Variants in TM9SF1 observed in about 807,000 individuals in gnomAD.
TM9SF1 encodes MP70 protein family member.
Under a neutral mutation model 52.4 loss-of-function variants are expected in TM9SF1, and 25 were observed. The observed-to-expected ratio is 0.48, with a 90% confidence interval of 0.35 to 0.67. The LOEUF (loss-of-function observed/expected upper bound fraction) is 0.67. Among genes scored for constraint, TM9SF1 ranks in the 30% least tolerant of loss-of-function variants. TM9SF1 has a pLI of 0.01. For missense variants in TM9SF1, 604 were observed against 780.3 expected (o/e 0.77, Z 2.69); for synonymous variants, 284 against 299.8 (o/e 0.95, Z 0.55).
In TM9SF1 at chr14:24,189,415, T is replaced by G. The variant is rs1312598475; in HGVS notation, c.1821A>C (p.Ter607CysextTer26). Residue 607 changes from the stop codon to cysteine (C), a stop_lost, in exon 6 of 6, where the codon TGA (stop) becomes TGC (cysteine). Coordinates refer to ENST00000261789, the MANE Select transcript of TM9SF1 (RefSeq NM_006405.7). ...RYIYVNLKMD[*>C] The stretch of plus-strand genomic sequence containing the variant: ...CAGCAATAGTTCTGCCATACAGAAC[T>G]CAGTCCATCTTGAGGTTAACATAGA... 1 of 1,611,072 alleles carries G rather than the reference T, an allele frequency of 6.2e-7. No individual in the cohort carries two copies. The highest frequency in any genetic ancestry group is 8.5e-7 in the Non-Finnish European group (1 of 1,178,212).
intron 2 of TM9SF1, 49 bp downstream of exon 2, chr14:24,194,626 T>C (rs1566650362): frequency 6.6e-7 from 1 of 1,518,962 alleles, no homozygotes; most frequent in Non-Finnish European, 9.1e-7. Flanking sequence ...AAGGCACTGT[T>C]AGTCTCTGGG....
chr14:24,193,935 G>T (rs2039360919), intron 2 of TM9SF1, among the ~76,000 whole-genome samples: 1 of 148,942 alleles, frequency 6.7e-6, no homozygotes, highest in Admixed American at 6.7e-5. Context: ...AAAAAAAAAA[G>T]TGCTGGGATT....
rs779966602 is a variant in TM9SF1, at chr14:24,195,050, T to A, written c.-17-14A>T. ...AGGCAGTGGAACCTGTTTGGGGGAA[T>A]CCTGAGGTTATAGAAACCAGGGAGG... is the stretch of plus-strand genomic sequence containing the variant. On this transcript the variant is annotated splice_polypyrimidine_tract_variant and intron_variant, in intron 1 of 5. Transcript: ENST00000261789. 5.0e-6 allele frequency: 8 copies of A among 1,590,404 alleles called. No individual in the cohort carries two copies. The highest frequency in any genetic ancestry group is 5.2e-6 in the Non-Finnish European group (6 of 1,162,794).
chr14:24,190,423 A>C lies in TM9SF1; in HGVS notation c.1384T>G (p.Ser462Ala), dbSNP rs1384930614. 1.2e-6 allele frequency: 2 copies of C among 1,610,418 alleles called. No homozygotes were observed. The highest frequency in any genetic ancestry group is 1.7e-6 in the Non-Finnish European group (2 of 1,177,784). ...REIPPQPWYK[S>A]TVIHMTVGGF... ...CCAACAGTCATGTGGATGACAGTAG[A>C]CTTGTACCAGGGCTGGGGTGGAATC... The change falls in exon 5 of 6, where the codon TCT becomes GCT. Residue 462 changes from serine (S) to alanine (A), a missense_variant. Physicochemically the swap from Ser to Ala is moderately conservative, Grantham distance 99. Transcript: ENST00000261789.
intron 1 of TM9SF1, 116 bp downstream of exon 1, chr14:24,195,230 C>T (rs978831035): frequency 4.2e-5 from 24 of 574,890 alleles, no homozygotes; most frequent in Non-Finnish European, 7.1e-5. Flanking sequence ...GGGGTTCACC[C>T]CACCCGCAGC....
At chr14:24,190,960 C>T (rs1441947921) in intron 4 of TM9SF1, among the ~76,000 whole-genome samples, 1 of 144,000 alleles carries the variant, frequency 6.9e-6, no homozygotes, top group Non-Finnish European at 1.5e-5. Flanking sequence ...CTCCCAGGTT[C>T]ATGCCATTCT....
chr14:24,190,483 C>T lies in TM9SF1; in HGVS notation c.1324G>A (p.Asp442Asn). ...IFGKNNASPF[D>N]APCRTKNIAR... ...ATGTTCTTGGTGCGACAGGGTGCAT[C>T]AAAGGGGCTGGCGTTGTTCTTCCCA... The change falls in exon 5 of 6, where the codon GAT becomes AAT. Residue 442 changes from aspartate to asparagine, a missense_variant. Around this residue, in one of 3 missense-constraint regions of TM9SF1, gnomAD observed 450 missense variants for 560.1 expected, o/e 0.80. Transcript: ENST00000261789. 6.2e-7 allele frequency: 1 copy of T among 1,614,128 alleles called. No individual in the cohort carries two copies. Among genetic ancestry groups the T allele is most frequent in the South Asian group, 1.1e-5 (1 of 91,078 alleles).
intron 2 of TM9SF1, among the ~76,000 whole-genome samples, 153 bp downstream of exon 2, chr14:24,194,522 A>G (rs2039369773): frequency 6.6e-6 from 1 of 152,236 alleles, no homozygotes. Context: ...ACTGAATTAG[A>G]ATAGCATCAC....
Position 24,190,490 on chromosome 14 carries a change from G to C in TM9SF1, c.1317C>G (p.Ser439Arg). The C allele has an allele frequency of 6.2e-7, 1 of 1,614,208 alleles. No individual in the cohort carries two copies. The highest frequency in any genetic ancestry group is 8.5e-7 in the Non-Finnish European group (1 of 1,180,040). Residue 439 changes from serine (S) to arginine (R), a missense_variant, in exon 5 of 6, where the codon AGC becomes AGG. This residue lies in a region of TM9SF1 where 450 missense variants were observed against 560.1 expected (regional missense o/e 0.80). Transcript: ENST00000261789. ...TGGTGCGACAGGGTGCATCAAAGGG[G>C]CTGGCGTTGTTCTTCCCAAAGATGC... The part of the protein sequence containing the change: ...IGGIFGKNNA[S>R]PFDAPCRTKN...
Position 24,194,761 on chromosome 14 carries a change from G to C in TM9SF1, c.259C>G (p.Arg87Gly). The stretch of plus-strand genomic sequence containing the variant: ...ATCTCATACAAAGACTCAGCCATTC[G>C]GTCCCCATCCAGCACTTCACCCAGG... ...LSLGEVLDGD[R>G]MAESLYEIRF... The change falls in exon 2 of 6, where the codon CGA becomes GGA. Residue 87 changes from arginine to glycine, a missense_variant. Around this residue, in one of 3 missense-constraint regions of TM9SF1, gnomAD observed 450 missense variants for 560.1 expected, o/e 0.80. Coordinates refer to ENST00000261789, the MANE Select transcript of TM9SF1 (RefSeq NM_006405.7). The C allele has an allele frequency of 6.2e-7, 1 of 1,614,200 alleles. No homozygotes were observed. Among genetic ancestry groups the C allele is most frequent in the Non-Finnish European group, 8.5e-7 (1 of 1,180,042 alleles).
At chr14:24,190,243 G>A (rs1305851375) in intron 5 of TM9SF1, 137 bp downstream of exon 5, 3 of 1,493,378 alleles carry the variant, frequency 2.0e-6, no homozygotes, top group Admixed American at 2.4e-5. Context: ...GGGGATAGGA[G>A]GAACCATTTA....
At chr14:24,191,921 A>G in intron 4 of TM9SF1, 1 of 409,498 alleles carries the variant, frequency 2.4e-6, no homozygotes, top group Non-Finnish European at 4.6e-6. Flanking sequence ...GGCTCAAGCA[A>G]TCCTCCTGGG....
chr14:24,189,311 A>G lies in TM9SF1; in HGVS notation c.*104T>C. ...TGCCCAAAGGGCAAAAGGGAAGGCA[A>G]CAATGCCATCACACAATTCAGTCAA... is the stretch of plus-strand genomic sequence containing the variant. On this transcript the variant is annotated 3_prime_UTR_variant, in exon 6 of 6. Transcript: ENST00000261789. 2 of 1,315,648 alleles carry G rather than the reference A, an allele frequency of 1.5e-6. No homozygotes were observed. The highest frequency in any genetic ancestry group is 2.1e-6 in the Non-Finnish European group (2 of 963,014). The allele number at this position is 1,315,648 out of a possible 1,614,324, so 81.5% of individuals were successfully genotyped here.
Position 24,192,361 on chromosome 14 carries a change from A to G in TM9SF1, c.968-5T>C. The G allele has an allele frequency of 6.2e-7, 1 of 1,610,476 alleles. No homozygotes were observed. On this transcript the variant is annotated splice_polypyrimidine_tract_variant and splice_region_variant and intron_variant, in intron 3 of 5. Transcript: ENST00000261789. This position sits in a 1 kb window ranked among gnomAD's most constrained non-coding sequence, Gnocchi z 4.0. ...GCAGTGCCATGACAATAATGCCTGCAGGACGGTAGCGGAAAGCCCAAGTTA... is the reference window on the plus strand; with the variant it reads ...GCAGTGCCATGACAATAATGCCTGCGGGACGGTAGCGGAAAGCCCAAGTTA...
intron 4 of TM9SF1, 28 bp from the exon 5 acceptor site, chr14:24,190,681 G>A (rs1284205595): frequency 2.5e-6 from 4 of 1,583,808 alleles, no homozygotes; most frequent in Non-Finnish European, 3.4e-6. Context: ...CGGAGGGAGG[G>A]TCAACACTAG....
Position 24,195,363 on chromosome 14 carries a change from C to T in TM9SF1, c.-35G>A. On this transcript the variant is annotated 5_prime_UTR_variant, in exon 1 of 6. Transcript: ENST00000261789. ...GTCCTCACCGCGCGGGAAGGGCTGG[C>T]CGAGGCGGCGCCAGCGGCCTTCGCG... 1 of 250,532 alleles carries T rather than the reference C, an allele frequency of 4.0e-6. No individual in the cohort carries two copies. The allele number at this position is 250,532 out of a possible 1,614,324, so 15.5% of individuals were successfully genotyped here. A position where few individuals can be genotyped will look rare whatever the true frequency, so the allele number is the denominator to read the frequency against.
intron 4 of TM9SF1, 141 bp from the exon 5 acceptor site, chr14:24,190,794 T>C (rs1036660116): frequency 2.2e-5 from 14 of 634,382 alleles, no homozygotes; most frequent in South Asian, 1.1e-4. Context: ...TGGATGTCCC[T>C]GCAGAGTCGA....
In TM9SF1 at chr14:24,194,959, A is replaced by C; in HGVS notation, c.61T>G (p.Leu21Val). 1.2e-6 allele frequency: 2 copies of C among 1,614,210 alleles called. No homozygotes were observed. Among genetic ancestry groups the C allele is most frequent in the Non-Finnish European group, 1.7e-6 (2 of 1,180,048 alleles). Residue 21 changes from leucine to valine, a missense_variant, in exon 2 of 6, where the codon TTG (leucine) becomes GTG (valine). By Grantham distance (32) the Leu-to-Val change is conservative. Around this residue, in one of 3 missense-constraint regions of TM9SF1, gnomAD observed 47 missense variants for 39.7 expected, o/e 1.18. Coordinates refer to ENST00000261789, the MANE Select transcript of TM9SF1 (RefSeq NM_006405.7). ...SCQWLPILILLLGTGHGPGVE... is the reference protein window; with the variant it reads ...SCQWLPILILVLGTGHGPGVE... Reference sequence around the variant, plus strand: ...CCTGGCCCATGGCCTGTGCCCAGCAACAGTATCAGGATTGGCAACCACTGG... The same window carrying C: ...CCTGGCCCATGGCCTGTGCCCAGCACCAGTATCAGGATTGGCAACCACTGG...
rs76935312 is a variant in TM9SF1 at position 24,194,009 on chromosome 14, G to A, written c.345+666C>T. On this transcript the variant is annotated intron_variant, in intron 2 of 5. Transcript: ENST00000261789. ...TTCTTTGTCATAGTGGGGTTATCCC[G>A]TGCACTGTAGGATGTAGCTTTCCTG... Among the ~76,000 whole-genome samples, 3,979 of 151,800 alleles carry A rather than the reference G, an allele frequency of 0.026. 374 individuals carry two copies. In the East Asian group the frequency reaches 0.33, roughly 12 times the overall value.
Sources: allele counts gnomAD v4.1 joint callset (sites outside exome capture counted in the v4.1 genomes callset), GRCh38; gene constraint gnomAD v4.1.1; regional missense constraint gnomAD v4.1.1; non-coding constraint Gnocchi (gnomAD v3.1); transcripts MANE v1.5; gene names NCBI Gene and HGNC (gene_info 2026-07-23, HGNC 2026-07-21).